RFX3: variants seen among roughly 807,000 people sequenced by gnomAD.
The protein encoded by RFX3 is transcription factor RFX3.
RFX3 carries 14 observed loss-of-function variants against 98.6 expected under a neutral mutation model. The observed-to-expected ratio is 0.14, with a 90% CI of 0.09 to 0.22. The LOEUF is 0.22. Ranked by LOEUF, RFX3 falls within the 10% of genes least tolerant of loss-of-function variation. The pLI is 1.00. For synonymous variants in RFX3, 383 were observed against 328.4 expected, an observed-to-expected ratio of 1.17 and a Z score of -1.80; for missense variants, 639 against 926.9, an observed-to-expected ratio of 0.69 and a Z score of 4.03.
chr9:3,504,225 A>G (rs1317660652), intron 1 of RFX3, among the ~76,000 whole-genome samples: 1 of 132,338 alleles, frequency 7.6e-6, no homozygotes, highest in East Asian at 2.1e-4. Context: ...ATACTATATT[A>G]TATACTATAT....
chr9:3,482,560 G>C (rs1045469305), intron 1 of RFX3, among the ~76,000 whole-genome samples: 1 of 152,188 alleles, frequency 6.6e-6, no homozygotes, highest in East Asian at 1.9e-4. Context: ...AACAGGTTCT[G>C]TGAACTTTGA....
At chr9:3,225,346 C>A (rs1817642514) in intron 16 of RFX3, 66 bp from the exon 17 acceptor site, 3 of 1,584,460 alleles carry the variant, frequency 1.9e-6, no homozygotes, top group Non-Finnish European at 8.5e-7. Context: ...TCAACAGGTG[C>A]TTTAGAAACA....
intron 2 of RFX3, among the ~76,000 whole-genome samples, chr9:3,365,014 G>C (rs1836884391): frequency 6.6e-6 from 1 of 151,916 alleles, no homozygotes; most frequent in Non-Finnish European, 1.5e-5. Context: ...AGTAAAAAAA[G>C]TAACAGGCCG....
At chr9:3,315,511 A>G (rs940482435) in intron 4 of RFX3, among the ~76,000 whole-genome samples, 4 of 152,198 alleles carry the variant, frequency 2.6e-5, no homozygotes, top group African/African-American at 9.7e-5. Context: ...GAAGGCAAGA[A>G]ATAACTAAGA....
intron 1 of RFX3, among the ~76,000 whole-genome samples, chr9:3,426,831 C>T (rs779783087): frequency 3.2e-4 from 48 of 152,228 alleles, no homozygotes; most frequent in African/African-American, 6.3e-4. Context: ...ATAATTATTT[C>T]ATTATATATT....
chr9:3,230,546 G>A, intron 15 of RFX3, among the ~76,000 whole-genome samples: 1 of 152,044 alleles, frequency 6.6e-6, no homozygotes, highest in African/African-American at 2.4e-5. Context: ...TTGAATTAAA[G>A]AATATAATCT....
chr9:3,287,493 A>C (rs1362565555), intron 7 of RFX3, among the ~76,000 whole-genome samples: 2 of 151,934 alleles, frequency 1.3e-5, no homozygotes, highest in Non-Finnish European at 2.9e-5. Context: ...CCTCTCTGGG[A>C]CTCATCTGAA....
At chr9:3,506,882 A>T (rs564590035) in intron 1 of RFX3, among the ~76,000 whole-genome samples, 102 of 152,072 alleles carry the variant, frequency 6.7e-4, no homozygotes, top group South Asian at 1.2e-3. Flanking sequence ...AAAAAGAAGT[A>T]AATAAATCCA....
At chr9:3,452,255 C>T (rs150387935) in intron 1 of RFX3, 6 of 190,512 alleles carry the variant, frequency 3.1e-5, no homozygotes, top group African/African-American at 1.4e-4. Context: ...TCTGGCTCTT[C>T]TAGTTTTCTT....
chr9:3,315,001 A>T (rs1474475031), intron 4 of RFX3, among the ~76,000 whole-genome samples: 32 of 152,330 alleles, frequency 2.1e-4, no homozygotes, highest in Middle Eastern at 6.8e-3. Flanking sequence ...CAGGAATTGA[A>T]CTCAGCTCTG....
intron 1 of RFX3, chr9:3,490,371 T>C: frequency 1.1e-6 from 1 of 910,196 alleles, no homozygotes; most frequent in East Asian, 1.2e-4. Flanking sequence ...CAAGAACAAT[T>C]AGTTCACATT....
chr9:3,506,177 G>A (rs1016041420), intron 1 of RFX3, among the ~76,000 whole-genome samples: 2 of 150,590 alleles, frequency 1.3e-5, no homozygotes, highest in African/African-American at 2.4e-5. Flanking sequence ...ATTAAAATGA[G>A]GGCTGGATAG....
At position 3,410,365 on chromosome 9, in the gene RFX3, T is replaced by A. The variant is rs143841186; in HGVS notation, c.-8-14769A>T. On this transcript the variant is annotated intron_variant, in intron 1 of 16. Coordinates refer to ENST00000617270, the MANE Select transcript of RFX3 (RefSeq NM_001282116.2). ...TATTATTATACAGAGTTTCTGAGTG[T>A]CTCAGGCTCAGAATTTTATTATTAC... Among the ~76,000 whole-genome samples, 90 of 152,246 alleles carry A rather than the reference T, an allele frequency of 5.9e-4. No homozygotes were observed. In the East Asian group the frequency reaches 0.014, roughly 24 times the overall value.
intron 1 of RFX3, among the ~76,000 whole-genome samples, chr9:3,465,375 C>G (rs1377535598): frequency 1.3e-5 from 2 of 152,076 alleles, no homozygotes; most frequent in African/African-American, 4.8e-5. Context: ...ACCACAACCT[C>G]CACCTCCTGA....
intron 1 of RFX3, among the ~76,000 whole-genome samples, chr9:3,504,886 TAATATAACA>T (rs1355520812): frequency 7.5e-4 from 49 of 65,366 alleles, no homozygotes; most frequent in Middle Eastern, 0.016. Context: ...ATATTATATA[TAATATAACA>T]TATATTATAT....
At chr9:3,430,127 C>T (rs761662688) in intron 1 of RFX3, among the ~76,000 whole-genome samples, 11 of 152,082 alleles carry the variant, frequency 7.2e-5, no homozygotes, top group Non-Finnish European at 1.6e-4. Context: ...ATATAATTTT[C>T]AACGAGAAAA....
At chr9:3,518,113 T>C (rs1818351490) in intron 1 of RFX3, among the ~76,000 whole-genome samples, 1 of 152,212 alleles carries the variant, frequency 6.6e-6, no homozygotes, top group Non-Finnish European at 1.5e-5. Flanking sequence ...AACAATATGC[T>C]ATACTATATA....
chr9:3,406,613 T>C (rs1026299578), intron 1 of RFX3, among the ~76,000 whole-genome samples: 3 of 152,106 alleles, frequency 2.0e-5, no homozygotes, highest in African/African-American at 7.2e-5. Flanking sequence ...CTTTGATTTG[T>C]TGAAAGAACA....
chr9:3,468,570 T>C (rs1025618391), intron 1 of RFX3, among the ~76,000 whole-genome samples: 1 of 152,180 alleles, frequency 6.6e-6, no homozygotes, highest in African/African-American at 2.4e-5. Flanking sequence ...ATTCCTATTA[T>C]ATGTAATGTA....
Sources: gnomAD v4.1 joint callset for allele counts (sites outside exome capture counted in the v4.1 genomes callset) on GRCh38, gnomAD v4.1.1 for gene constraint, MANE v1.5 for transcripts, NCBI Gene and HGNC (gene_info 2026-07-23, HGNC 2026-07-21) for gene names.